SLC35D1: variants seen among roughly 807,000 people sequenced by gnomAD.
SLC35D1 encodes solute carrier family 35 member D1, also known as nucleotide sugar transporter SLC35D1.
A neutral mutation model predicts 46.7 loss-of-function variants in SLC35D1; 31 were observed. The observed-to-expected ratio is 0.66, with a 90% CI of 0.50 to 0.90. The LOEUF (loss-of-function observed/expected upper bound fraction) is 0.90, where lower values mean the gene tolerates loss of function less well. SLC35D1 is among the 40% of genes least tolerant of loss of function. SLC35D1 has a pLI of 0.00. For synonymous variants in SLC35D1, 195 were observed against 164.6 expected (o/e 1.18, Z -1.41); for missense variants, 397 against 426.2 (o/e 0.93, Z 0.60).
chr1:66,993,939 G>A, the SLC35D1 span, among the ~76,000 whole-genome samples: 1 of 152,188 alleles, frequency 6.6e-6, no homozygotes, highest in Admixed American at 6.5e-5. Context: ...TTTATACTCG[G>A]AAAGCATTGA....
chr1:67,052,801 A>T lies in SLC35D1; in HGVS notation c.294T>A (p.Phe98Leu), dbSNP rs1387775877. The change falls in exon 3 of 12, where the codon TTT (phenylalanine) becomes TTA (leucine). Residue 98 changes from phenylalanine to leucine, a missense_variant. Phe to Leu is a conservative substitution (Grantham distance 22). Coordinates refer to ENST00000235345, the MANE Select transcript of SLC35D1 (RefSeq NM_015139.3). ...GAGGTACATTTCTGTCAAGGTCAGG[A>T]AACTTGACTACTCTGAGCGCCTTTC... Reference protein sequence around the residue: ...WVGKALRVVKFPDLDRNVPRK... With the variant: ...WVGKALRVVKLPDLDRNVPRK... 1 of 1,614,210 alleles carries T rather than the reference A, an allele frequency of 6.2e-7. No homozygotes were observed. The highest frequency in any genetic ancestry group is 1.1e-5 in the South Asian group (1 of 91,084).
chr1:67,011,574 C>G (rs1000478497), intron 10 of SLC35D1, among the ~76,000 whole-genome samples: 2 of 152,156 alleles, frequency 1.3e-5, no homozygotes, highest in African/African-American at 4.8e-5. Flanking sequence ...TCCCTGCCTC[C>G]TAGGCTCAAG....
intron 8 of SLC35D1, among the ~76,000 whole-genome samples, chr1:67,037,336 G>A (rs553239123): frequency 1.3e-5 from 2 of 152,140 alleles, no homozygotes; most frequent in Admixed American, 6.5e-5. Flanking sequence ...TGTTGCCTAG[G>A]TTAAGGAAAT....
chr1:66,986,953 T>C, the SLC35D1 span: 1 of 152,530 alleles, frequency 6.6e-6, no homozygotes, highest in African/African-American at 2.4e-5. Flanking sequence ...GTGTTGGAGA[T>C]GCCATTTTCA....
At chr1:66,990,761 G>T in the SLC35D1 span, among the ~76,000 whole-genome samples, 1 of 152,146 alleles carries the variant, frequency 6.6e-6, no homozygotes, top group Non-Finnish European at 1.5e-5. Context: ...GTTTTTGAGT[G>T]GTGGACTTAG....
intron 11 of SLC35D1, among the ~76,000 whole-genome samples, chr1:67,007,094 G>T (rs1216025271): frequency 6.6e-6 from 1 of 152,132 alleles, no homozygotes; most frequent in Non-Finnish European, 1.5e-5. Context: ...TTCCCTGTCA[G>T]CCCTGACACT....
chr1:66,993,310 T>C, the SLC35D1 span, among the ~76,000 whole-genome samples: 912 of 152,258 alleles, frequency 6.0e-3, 7 homozygotes, highest in African/African-American at 0.02. Context: ...AGGGCAAAGT[T>C]TGCAATTTGT....
intron 8 of SLC35D1, among the ~76,000 whole-genome samples, chr1:67,040,075 G>C (rs1570636894): frequency 6.6e-6 from 1 of 151,092 alleles, no homozygotes; most frequent in African/African-American, 2.4e-5. Flanking sequence ...GCTCACTGCA[G>C]CCTCGACCTC....
chr1:66,990,675 C>CAA, the SLC35D1 span, among the ~76,000 whole-genome samples: 106 of 152,184 alleles, frequency 7.0e-4, no homozygotes, highest in African/African-American at 2.5e-3. Flanking sequence ...CCAGTTTTGG[C>CAA]AAAGGGATCT....
chr1:67,053,570 C>T (rs942561203), intron 1 of SLC35D1, among the ~76,000 whole-genome samples: 1 of 152,032 alleles, frequency 6.6e-6, no homozygotes, highest in South Asian at 2.1e-4. Context: ...GCATGGCAGG[C>T]GAGCCCCAAA....
chr1:66,985,911 C>A, the SLC35D1 span: 5 of 975,406 alleles, frequency 5.1e-6, no homozygotes, highest in Non-Finnish European at 6.1e-6. Flanking sequence ...GTTTGTTTTG[C>A]ATTTGCTATA....
At chr1:66,973,010 T>C in the SLC35D1 span, 1 of 1,427,684 alleles carries the variant, frequency 7.0e-7, no homozygotes, top group Non-Finnish European at 9.9e-7. Flanking sequence ...TGATAATCTC[T>C]TTTTTGCAAA....
Position 67,000,974 on chromosome 1 carries a change from T to C in SLC35D1, c.*3366A>G, listed in dbSNP as rs1667328486. 1 of 152,340 alleles carries C rather than the reference T, an allele frequency of 6.6e-6. No individual in the cohort carries two copies. Among genetic ancestry groups the C allele is most frequent in the African/African-American group, 2.4e-5 (1 of 41,440 alleles). The allele number at this position is 152,340 out of a possible 1,614,324, so 9.4% of individuals were successfully genotyped here. The stretch of plus-strand genomic sequence containing the variant: ...ATGCAGGCAGCTCTTGGTTACAAAA[T>C]CACGGACTCCTTTCATCTGTCTCCT... On this transcript the variant is annotated 3_prime_UTR_variant, in exon 12 of 12. Transcript: ENST00000235345.
At chr1:66,987,534 TTAAA>T in the SLC35D1 span, 1 of 152,698 alleles carries the variant, frequency 6.5e-6, no homozygotes, top group African/African-American at 2.4e-5. Flanking sequence ...GAAGTAATAT[TTAAA>T]TAGGCATTTA....
At chr1:67,049,098 T>A (rs538829955) in intron 6 of SLC35D1, among the ~76,000 whole-genome samples, 18 of 152,054 alleles carry the variant, frequency 1.2e-4, no homozygotes, top group African/African-American at 4.1e-4. Flanking sequence ...ATCGAGACCA[T>A]CCTGGCTAAC....
At chr1:66,997,502 T>TAAAA (rs767972425), downstream of SLC35D1, among the ~76,000 whole-genome samples, 8 of 80,068 alleles carry the variant, frequency 1.0e-4, no homozygotes, top group African/African-American at 4.0e-4. Flanking sequence ...GACCCTGTGT[T>TAAAA]AAAAAAAAAA....
At chr1:66,998,902 G>A (rs1026344476), downstream of SLC35D1, among the ~76,000 whole-genome samples, 1 of 152,182 alleles carries the variant, frequency 6.6e-6, no homozygotes, top group African/African-American at 2.4e-5. Flanking sequence ...ATGTTCTGGA[G>A]ATTGGTTGAA....
chr1:66,980,998 G>A, the SLC35D1 span, among the ~76,000 whole-genome samples: 1 of 152,136 alleles, frequency 6.6e-6, no homozygotes, highest in East Asian at 1.9e-4. Flanking sequence ...ACAGGCTATA[G>A]TTGGCTGACT....
chr1:67,046,675 A>C (rs1467802130), intron 7 of SLC35D1, among the ~76,000 whole-genome samples: 1 of 152,220 alleles, frequency 6.6e-6, no homozygotes, highest in Non-Finnish European at 1.5e-5. Context: ...TGCAAAAGCA[A>C]TATGATTCAA....
Sources: gnomAD v4.1 joint callset for allele counts (sites outside exome capture counted in the v4.1 genomes callset) on GRCh38, gnomAD v4.1.1 for gene constraint, MANE v1.5 for transcripts, NCBI Gene and HGNC (gene_info 2026-07-23, HGNC 2026-07-21) for gene names.